The following PCSK2 variants were observed in gnomAD, a reference collection of about 807,000 sequenced individuals.
The protein encoded by PCSK2 is proprotein convertase subtilisin/kexin type 2.
A neutral mutation model predicts 69.7 loss-of-function variants in PCSK2; 14 were observed. The observed-to-expected ratio is 0.20, with a 90% confidence interval of 0.13 to 0.31. PCSK2 has a LOEUF of 0.31. Among genes scored for constraint, PCSK2 ranks in the 10% least tolerant of loss-of-function variants. PCSK2 has a pLI of 1.00. For synonymous variants in PCSK2, 307 were observed against 320.7 expected, an observed-to-expected ratio of 0.96 and a Z score of 0.46; for missense variants, 544 against 842.5, an observed-to-expected ratio of 0.65 and a Z score of 4.39.
intron 8 of PCSK2, among the ~76,000 whole-genome samples, chr20:17,439,283 A>G (rs565974563): frequency 4.6e-5 from 7 of 151,982 alleles, no homozygotes; most frequent in South Asian, 2.1e-4. Flanking sequence ...CTACAGGTGC[A>G]TGATACCATG....
rs1256790448 is a variant in PCSK2 at position 17,411,621 on chromosome 20, C to G, written c.620+2282C>G. 3.3e-5 allele frequency among the ~76,000 whole-genome samples: 5 copies of G among 152,252 alleles called. 1 individual carries two copies. The highest frequency in any genetic ancestry group is 3.3e-4 in the Admixed American group (5 of 15,292). On this transcript the variant is annotated intron_variant, in intron 6 of 11. Coordinates refer to ENST00000262545, the MANE Select transcript of PCSK2 (RefSeq NM_002594.5). ...TGGAAAAAAGGAGCAGAAGCTTCTG[C>G]AGACTTAAACGCCCCTGTCTGACAG...
At chr20:17,347,960 GAGAA>G (rs55852687) in intron 2 of PCSK2, among the ~76,000 whole-genome samples, 20,445 of 67,714 alleles carry the variant, frequency 0.3, 3,440 homozygotes, top group Non-Finnish European at 0.35. Flanking sequence ...AAGAAAGAAA[GAGAA>G]AGAAAGAAAG....
chr20:17,472,213 C>T (rs17779107), intron 11 of PCSK2, among the ~76,000 whole-genome samples: 8,550 of 152,276 alleles, frequency 0.056, 287 homozygotes, highest in Non-Finnish European at 0.082. Context: ...GTTCACTGAG[C>T]TCCTTTAAGG....
chr20:17,428,997 C>CAAAAAAAAAAAAAAAAAA (rs60206058), intron 6 of PCSK2, among the ~76,000 whole-genome samples: 34 of 36,948 alleles, frequency 9.2e-4, no homozygotes, highest in Admixed American at 1.1e-3. Context: ...GACTCTGTCT[C>CAAAAAAAAAAAAAAAAAA]AAAAAAAAAA....
chr20:17,297,937 G>C (rs1988952209), intron 2 of PCSK2, among the ~76,000 whole-genome samples: 1 of 152,120 alleles, frequency 6.6e-6, no homozygotes, highest in African/African-American at 2.4e-5. Flanking sequence ...AGCACTTTAA[G>C]ATATTTTCTA....
At chr20:17,443,860 A>C (rs181825260) in intron 8 of PCSK2, among the ~76,000 whole-genome samples, 2 of 152,244 alleles carry the variant, frequency 1.3e-5, no homozygotes, top group African/African-American at 4.8e-5. Flanking sequence ...TGATCTTCAG[A>C]TGACAGCAAG....
chr20:17,291,105 C>A lies in PCSK2; in HGVS notation c.282+30761C>A, dbSNP rs1988680062. ...TCAAACCATAGCAATAATATATTCA[C>A]CTGCATCAAAAATAATATATATAGG... On this transcript the variant is annotated intron_variant, in intron 2 of 11. Coordinates refer to ENST00000262545, the MANE Select transcript of PCSK2 (RefSeq NM_002594.5). Among the ~76,000 whole-genome samples the A allele has an allele frequency of 2.6e-5, 4 of 151,856 alleles. No individual in the cohort carries two copies. The South Asian group carries it at 8.3e-4, about 32-fold the overall frequency.
chr20:17,437,952 T>C (rs1230011151), intron 8 of PCSK2, among the ~76,000 whole-genome samples: 1 of 151,924 alleles, frequency 6.6e-6, no homozygotes, highest in Admixed American at 6.6e-5. Flanking sequence ...TACGCAGTCT[T>C]CTCAGGCCTG....
At chr20:17,479,693 A>T (rs1207473925) in intron 11 of PCSK2, among the ~76,000 whole-genome samples, 2 of 150,388 alleles carry the variant, frequency 1.3e-5, no homozygotes, top group African/African-American at 4.9e-5. Context: ...CAGCTACTCG[A>T]GAGGCTGAGG....
intron 11 of PCSK2, among the ~76,000 whole-genome samples, chr20:17,472,575 C>CT (rs554431549): frequency 0.015 from 2,326 of 151,722 alleles, 45 homozygotes; most frequent in African/African-American, 0.051. Flanking sequence ...ATAACTTTTT[C>CT]TTTTTTTTTG....
chr20:17,442,826 CTCTCG>C (rs2032625239), intron 8 of PCSK2, among the ~76,000 whole-genome samples: 1 of 152,166 alleles, frequency 6.6e-6, no homozygotes, highest in Non-Finnish European at 1.5e-5. Flanking sequence ...AATAGCACAC[CTCTCG>C]TTAGAGGACT....
intron 1 of PCSK2, among the ~76,000 whole-genome samples, chr20:17,255,882 T>C (rs1600415420): frequency 6.6e-6 from 1 of 152,172 alleles, no homozygotes; most frequent in African/African-American, 2.4e-5. Flanking sequence ...ATGAGCATTT[T>C]TTTGCCATAT....
At chr20:17,278,452 C>T (rs1359343171) in intron 2 of PCSK2, among the ~76,000 whole-genome samples, 1 of 152,154 alleles carries the variant, frequency 6.6e-6, no homozygotes, top group African/African-American at 2.4e-5. Context: ...CCATCATTCT[C>T]AGCAAACTAT....
chr20:17,325,409 G>A (rs1436503545), intron 2 of PCSK2, among the ~76,000 whole-genome samples: 2 of 152,230 alleles, frequency 1.3e-5, no homozygotes, highest in Non-Finnish European at 2.9e-5. Context: ...TTTTCAATGA[G>A]AAAGATGTTC....
intron 5 of PCSK2, among the ~76,000 whole-genome samples, chr20:17,396,049 G>A (rs955299832): frequency 6.6e-6 from 1 of 152,174 alleles, no homozygotes; most frequent in Non-Finnish European, 1.5e-5. Context: ...GGCAAGGGCG[G>A]AGAAGCTTTG....
At chr20:17,389,335 T>C (rs1435360120) in intron 5 of PCSK2, among the ~76,000 whole-genome samples, 1 of 152,120 alleles carries the variant, frequency 6.6e-6, no homozygotes, top group Non-Finnish European at 1.5e-5. Context: ...TGGTCATCAG[T>C]TCACACAGCC....
At position 17,291,140 on chromosome 20, in the gene PCSK2, TA is replaced by T. The variant is rs58332398; in HGVS notation, c.282+30807del. ...AAATAATATATATAGGTGTGAAGTT[TA>T]AAAAAAAAAACTCCTTCCCTCATTT... On this transcript the variant is annotated intron_variant, in intron 2 of 11. Coordinates refer to ENST00000262545, the MANE Select transcript of PCSK2 (RefSeq NM_002594.5). 1.8e-3 allele frequency among the ~76,000 whole-genome samples: 267 copies of T among 147,228 alleles called. 2 individuals carry two copies. Among genetic ancestry groups the T allele is most frequent in the African/African-American group, 5.6e-3 (227 of 40,378 alleles).
At chr20:17,471,396 G>A (rs894252988) in intron 11 of PCSK2, among the ~76,000 whole-genome samples, 1 of 152,210 alleles carries the variant, frequency 6.6e-6, no homozygotes, top group African/African-American at 2.4e-5. Flanking sequence ...CTATATTTCA[G>A]CACTAACTCA....
chr20:17,456,346 A>C lies in PCSK2; in HGVS notation c.1102-2A>C. The C allele has an allele frequency of 6.3e-7, 1 of 1,589,234 alleles. No homozygotes were observed. The highest frequency in any genetic ancestry group is 8.6e-7 in the Non-Finnish European group (1 of 1,157,502). ...CTCATTACTCATTATCTTCCCTTCCAGGCAACCACAGATTTGTACGGCAAC... is the reference window on the plus strand; with the variant it reads ...CTCATTACTCATTATCTTCCCTTCCCGGCAACCACAGATTTGTACGGCAAC... On this transcript the variant is annotated splice_acceptor_variant, in intron 9 of 11. Coordinates refer to ENST00000262545, the MANE Select transcript of PCSK2 (RefSeq NM_002594.5). LOFTEE classifies it high-confidence loss of function.
Sources: allele counts gnomAD v4.1 joint callset (sites outside exome capture counted in the v4.1 genomes callset), GRCh38; gene constraint gnomAD v4.1.1; transcripts MANE v1.5; gene names NCBI Gene and HGNC (gene_info 2026-07-23, HGNC 2026-07-21).